FAM149A: variants seen among roughly 807,000 people sequenced by gnomAD.
FAM149A encodes the protein protein FAM149A.
A neutral mutation model predicts 78.2 loss-of-function variants in FAM149A; 71 were observed. That is an observed-to-expected ratio of 0.91 (90% CI 0.75 to 1.11). FAM149A has a LOEUF of 1.11. Among genes scored for constraint, FAM149A ranks in the 50% least tolerant of loss-of-function variants. FAM149A has a pLI of 0.00. For synonymous variants in FAM149A, 446 were observed against 410.5 expected, an observed-to-expected ratio of 1.09 and a Z score of -1.04; for missense variants, 1,036 against 971.0, an observed-to-expected ratio of 1.07 and a Z score of -0.89.
intron 1 of FAM149A, among the ~76,000 whole-genome samples, chr4:186,145,680 T>C (rs184367889): frequency 2.6e-5 from 4 of 152,310 alleles, no homozygotes; most frequent in Admixed American, 2.6e-4. Flanking sequence ...GTTTAGTGAC[T>C]GCACTTCAGT....
At position 186,162,883 on chromosome 4, in the gene FAM149A, T is replaced by C. The variant is rs77537358; in HGVS notation, c.1614T>C (p.Asn538=). ...CCAGCAGTTTTTATAGTGACATGAA[T>C]GGTGTCATGACAATTCAAGCAAAAC... Residue 538 remains asparagine (N), a synonymous_variant, in exon 9 of 14, where the codon AAT becomes AAC. Coordinates refer to ENST00000389354, the MANE Select transcript of FAM149A (RefSeq NM_001367768.3). The C allele has an allele frequency of 2.8e-5, 45 of 1,594,974 alleles. No individual in the cohort carries two copies. The East Asian group carries it at 1.0e-3, about 36-fold the overall frequency.
intron 13 of FAM149A, chr4:186,169,132 G>A: frequency 4.2e-6 from 4 of 945,604 alleles, no homozygotes; most frequent in Non-Finnish European, 5.0e-6. Context: ...ATTGGGTTCT[G>A]AATTTGTTCT....
At chr4:186,115,480 A>G (rs988799474) in intron 1 of FAM149A, among the ~76,000 whole-genome samples, 1 of 102,808 alleles carries the variant, frequency 9.7e-6, no homozygotes, top group Non-Finnish European at 2.0e-5. Context: ...TCTGCGTTTT[A>G]GAGTTTCCAG....
chr4:186,167,043 A>C lies in FAM149A; in HGVS notation c.2086A>C (p.Arg696=). The change falls in exon 12 of 14, where the codon AGA becomes CGA. Residue 696 remains arginine (R), a synonymous_variant. Coordinates refer to ENST00000389354, the MANE Select transcript of FAM149A (RefSeq NM_001367768.3). ...TACAGAACGATCGCGTCTTCGAGAAAGAACAGCCACCCTGGAACGGTTGTC... is the reference window on the plus strand; with the variant it reads ...TACAGAACGATCGCGTCTTCGAGAACGAACAGCCACCCTGGAACGGTTGTC... The C allele has an allele frequency of 6.2e-7, 1 of 1,614,226 alleles. No homozygotes were observed. The highest frequency in any genetic ancestry group is 2.2e-5 in the East Asian group (1 of 44,896).
chr4:186,139,916 T>C (rs1346252858), intron 1 of FAM149A, among the ~76,000 whole-genome samples: 1 of 152,238 alleles, frequency 6.6e-6, no homozygotes, highest in Non-Finnish European at 1.5e-5. Flanking sequence ...TAAAAAACTG[T>C]ATGTAACTTT....
intron 7 of FAM149A, 25 bp from the exon 8 acceptor site, chr4:186,157,540 A>C: frequency 9.3e-6 from 15 of 1,605,504 alleles, no homozygotes; most frequent in Non-Finnish European, 1.3e-5. Context: ...TGTTTCTTGT[A>C]ATATTGATTC....
In FAM149A at chr4:186,157,676, A is replaced by G; in HGVS notation, c.1532A>G (p.Glu511Gly). Residue 511 changes from glutamate to glycine, a missense_variant, in exon 8 of 14, where the codon GAG becomes GGG. By Grantham distance (98) the Glu-to-Gly change is moderately conservative. Around this residue, in one of 3 missense-constraint regions of FAM149A, gnomAD observed 716 missense variants for 711.8 expected, o/e 1.01. Transcript: ENST00000389354. ...AGTGGCCCCCCGTCCGGACACGCCG[A>G]GGCTCACGGCATCTCCCTGGCTTCT... is the stretch of plus-strand genomic sequence containing the variant. 1 of 1,613,882 alleles carries G rather than the reference A, an allele frequency of 6.2e-7. No individual in the cohort carries two copies. Among genetic ancestry groups the G allele is most frequent in the Non-Finnish European group, 8.5e-7 (1 of 1,179,868 alleles).
At position 186,165,407 on chromosome 4, in the gene FAM149A, G is replaced by A. The variant is rs776130401; in HGVS notation, c.1953G>A (p.Pro651=). The change falls in exon 11 of 14, where the codon CCG becomes CCA. Residue 651 remains proline (P), a synonymous_variant. Transcript: ENST00000389354. ...AAACGTCACGGAGCAGGTTCCCCCC[G>A]CTAGTCACGGAGACCAGGGGGCAGA... is the stretch of plus-strand genomic sequence containing the variant. The A allele has an allele frequency of 1.2e-5, 20 of 1,614,048 alleles. No individual in the cohort carries two copies. The highest frequency in any genetic ancestry group is 6.6e-5 in the South Asian group (6 of 91,074).
Position 186,163,481 on chromosome 4 carries a change from G to A in FAM149A, c.1737G>A (p.Pro579=), listed in dbSNP as rs778701875. 6.8e-6 allele frequency: 11 copies of A among 1,614,008 alleles called. No individual in the cohort carries two copies. Among genetic ancestry groups the A allele is most frequent in the East Asian group, 2.2e-5 (1 of 44,874 alleles). ...GGGCAGGTGCTCTCTCCTCCGCACC[G>A]CACAGACTGGGACGGGCCTCAGACA... The change falls in exon 10 of 14, where the codon CCG becomes CCA. Residue 579 remains proline (P), a synonymous_variant. Coordinates refer to ENST00000389354, the MANE Select transcript of FAM149A (RefSeq NM_001367768.3).
chr4:186,157,517 T>G, intron 7 of FAM149A, 48 bp from the exon 8 acceptor site: 2 of 1,561,524 alleles, frequency 1.3e-6, no homozygotes, highest in Non-Finnish European at 8.8e-7. Context: ...AGTATTTGTA[T>G]TAGATAATCT....
At chr4:186,134,363 T>C (rs1429994993) in intron 1 of FAM149A, among the ~76,000 whole-genome samples, 2 of 152,202 alleles carry the variant, frequency 1.3e-5, no homozygotes, top group South Asian at 2.1e-4. Flanking sequence ...GAAAGCTGCA[T>C]GTGAAGCATG....
At chr4:186,125,581 T>A (rs1268901022) in intron 1 of FAM149A, 1 of 519,412 alleles carries the variant, frequency 1.9e-6, no homozygotes, top group Non-Finnish European at 2.5e-6. Flanking sequence ...TCACGAGAAT[T>A]TGCACACGAG....
chr4:186,138,293 T>A (rs1269314555), intron 1 of FAM149A, among the ~76,000 whole-genome samples: 1 of 152,150 alleles, frequency 6.6e-6, no homozygotes, highest in Non-Finnish European at 1.5e-5. Context: ...AGAGATTTTT[T>A]AAAAATAGGC....
chr4:186,128,781 C>G (rs536489856), intron 1 of FAM149A, among the ~76,000 whole-genome samples: 1 of 151,974 alleles, frequency 6.6e-6, no homozygotes, highest in Non-Finnish European at 1.5e-5. Context: ...CATTGTATGT[C>G]TGTGTGTGTA....
intron 11 of FAM149A, among the ~76,000 whole-genome samples, chr4:186,166,105 T>C (rs1216674878): frequency 6.6e-6 from 1 of 152,194 alleles, no homozygotes; most frequent in Non-Finnish European, 1.5e-5. Flanking sequence ...GTGGCCAGCA[T>C]GCATATCCAG....
In FAM149A at chr4:186,162,903, C is replaced by A; in HGVS notation, c.1634C>A (p.Ala545Glu). The change falls in exon 9 of 14, where the codon GCA becomes GAA. Residue 545 changes from alanine to glutamate, a missense_variant. Ala to Glu is a moderately radical substitution (Grantham distance 107). This residue lies in a region of FAM149A where 716 missense variants were observed against 711.8 expected (regional missense o/e 1.01). Transcript: ENST00000389354. ...ATGAATGGTGTCATGACAATTCAAGCAAAACCGCTTCAGCGGAGACCTGCC... is the reference window on the plus strand; with the variant it reads ...ATGAATGGTGTCATGACAATTCAAGAAAAACCGCTTCAGCGGAGACCTGCC... 6.3e-7 allele frequency: 1 copy of A among 1,594,356 alleles called. No homozygotes were observed. Among genetic ancestry groups the A allele is most frequent in the Non-Finnish European group, 8.5e-7 (1 of 1,170,494 alleles).
At chr4:186,161,691 T>G (rs1734620550) in intron 8 of FAM149A, among the ~76,000 whole-genome samples, 1 of 152,116 alleles carries the variant, frequency 6.6e-6, no homozygotes, top group African/African-American at 2.4e-5. Flanking sequence ...TTACTTTGTT[T>G]GGATAAATGT....
In FAM149A at chr4:186,167,063, G is replaced by A. The variant is rs1402840752; in HGVS notation, c.2106G>A (p.Arg702=). 1 of 1,614,152 alleles carries A rather than the reference G, an allele frequency of 6.2e-7. No individual in the cohort carries two copies. Among genetic ancestry groups the A allele is most frequent in the South Asian group, 1.1e-5 (1 of 91,078 alleles). Residue 702 remains arginine (R), a synonymous_variant, in exon 12 of 14, where the codon CGG becomes CGA. Coordinates refer to ENST00000389354, the MANE Select transcript of FAM149A (RefSeq NM_001367768.3). ...GAGAAAGAACAGCCACCCTGGAACG[G>A]TTGTCAAGGCCCAGCACAACCCACA...
chr4:186,165,510 A>G (rs1221844522), intron 11 of FAM149A, 46 bp downstream of exon 11: 4 of 1,599,922 alleles, frequency 2.5e-6, no homozygotes, highest in African/African-American at 1.3e-5. Flanking sequence ...TAGGTTCTGT[A>G]TTGGAAAACA....
Sources: allele counts gnomAD v4.1 joint callset (sites outside exome capture counted in the v4.1 genomes callset), GRCh38; gene constraint gnomAD v4.1.1; regional missense constraint gnomAD v4.1.1; transcripts MANE v1.5; gene names NCBI Gene and HGNC (gene_info 2026-07-23, HGNC 2026-07-21).